MME: variants seen among roughly 807,000 people sequenced by gnomAD.
The protein encoded by MME is membrane metalloendopeptidase, also known as neprilysin.
A neutral mutation model predicts 113.2 loss-of-function variants in MME; 98 were observed. That is an observed-to-expected ratio of 0.87 (90% CI 0.74 to 1.02). The LOEUF (loss-of-function observed/expected upper bound fraction) is 1.02. MME is among the 50% of genes least tolerant of loss of function. The probability of loss-of-function intolerance (pLI) is 0.00; values close to 1 mark genes in which losing one functional copy is unlikely to be tolerated. For synonymous variants in MME, 292 were observed against 300.6 expected (o/e 0.97, Z 0.30); for missense variants, 836 against 896.0 (o/e 0.93, Z 0.86).
chr3:155,081,360 T>C (rs189134038), intron 1 of MME: 120 of 152,366 alleles, frequency 7.9e-4, no homozygotes, highest in African/African-American at 2.8e-3. Context: ...GGTATAAGAA[T>C]TGCTGCTTTA....
At chr3:155,172,736 T>C in intron 22 of MME, 124 bp downstream of exon 22, 1 of 751,654 alleles carries the variant, frequency 1.3e-6, no homozygotes, top group East Asian at 2.8e-5. Context: ...TTTTTTTTTT[T>C]TGAGAGTCAA....
intron 3 of MME, among the ~76,000 whole-genome samples, chr3:155,102,961 T>C (rs1334899045): frequency 6.6e-6 from 1 of 152,170 alleles, no homozygotes; most frequent in African/African-American, 2.4e-5. Flanking sequence ...GTCAAAAACG[T>C]CACCTACTTT....
chr3:155,143,638 C>T, intron 13 of MME, 67 bp downstream of exon 13: 1 of 1,553,864 alleles, frequency 6.4e-7, no homozygotes, highest in Non-Finnish European at 8.8e-7. Context: ...CACTGATGAG[C>T]AATTACAGTT....
At chr3:155,124,934 T>C (rs1185620317) in intron 8 of MME, among the ~76,000 whole-genome samples, 2 of 152,252 alleles carry the variant, frequency 1.3e-5, no homozygotes, top group African/African-American at 2.4e-5. Flanking sequence ...CCTTGAGCTG[T>C]GGTGGACTCC....
intron 15 of MME, among the ~76,000 whole-genome samples, chr3:155,147,441 A>G (rs1396394706): frequency 6.6e-6 from 1 of 152,154 alleles, no homozygotes; most frequent in Non-Finnish European, 1.5e-5. Context: ...TGGTTTCCAT[A>G]TATTCCATTT....
At chr3:155,025,365 C>T (rs1376494684) in intron 1 of MME, among the ~76,000 whole-genome samples, 1 of 152,058 alleles carries the variant, frequency 6.6e-6, no homozygotes, top group Non-Finnish European at 1.5e-5. Flanking sequence ...AAAGTAGAGA[C>T]AAAGTATGGA....
chr3:155,114,429 C>T (rs1343826680), intron 3 of MME, among the ~76,000 whole-genome samples: 1 of 152,144 alleles, frequency 6.6e-6, no homozygotes, highest in Non-Finnish European at 1.5e-5. Flanking sequence ...TAATGACAGA[C>T]TCTATATAAA....
intron 17 of MME, among the ~76,000 whole-genome samples, chr3:155,163,052 T>C (rs1344094122): frequency 7.9e-5 from 12 of 150,950 alleles, no homozygotes; most frequent in Non-Finnish European, 3.0e-5. Context: ...GAAATGTGTA[T>C]GTGTATATAA....
At chr3:155,142,724 G>A (rs185209461) in intron 12 of MME, among the ~76,000 whole-genome samples, 1 of 152,172 alleles carries the variant, frequency 6.6e-6, no homozygotes, top group Admixed American at 6.5e-5. Context: ...ATTGATGTGG[G>A]CAGTCTATTG....
At chr3:155,078,278 T>A (rs1021098599), upstream of MME, among the ~76,000 whole-genome samples, 12 of 152,086 alleles carry the variant, frequency 7.9e-5, no homozygotes, top group African/African-American at 2.9e-4. Context: ...CCCGCATGCT[T>A]ATTTGTGGGA....
At chr3:155,027,959 T>C (rs113876241) in intron 1 of MME, among the ~76,000 whole-genome samples, 4,061 of 152,306 alleles carry the variant, frequency 0.027, 82 homozygotes, top group South Asian at 0.089. Flanking sequence ...AGATGTACTT[T>C]TTTGCCTTGT....
intron 8 of MME, among the ~76,000 whole-genome samples, chr3:155,132,688 T>G (rs1246487198): frequency 1.3e-5 from 2 of 152,088 alleles, no homozygotes; most frequent in African/African-American, 4.8e-5. Flanking sequence ...AATTGCTCTC[T>G]CAGTCACACA....
At chr3:155,124,325 T>A (rs1576614644) in intron 8 of MME, among the ~76,000 whole-genome samples, 1 of 152,062 alleles carries the variant, frequency 6.6e-6, no homozygotes, top group East Asian at 1.9e-4. Context: ...TTCTTCTAAA[T>A]TTTTTTGAAA....
At chr3:155,154,657 C>T (rs1347039620) in intron 16 of MME, among the ~76,000 whole-genome samples, 3 of 152,206 alleles carry the variant, frequency 2.0e-5, no homozygotes, top group Non-Finnish European at 4.4e-5. Flanking sequence ...AATATCCCTT[C>T]TGATTTTTCC....
chr3:155,109,780 C>T (rs1718030672), intron 3 of MME, among the ~76,000 whole-genome samples: 2 of 152,182 alleles, frequency 1.3e-5, no homozygotes, highest in Admixed American at 1.3e-4. Flanking sequence ...TCAGATGATT[C>T]ACATGTTTAG....
At chr3:155,121,586 G>A (rs1194664552) in intron 8 of MME, among the ~76,000 whole-genome samples, 10 of 110,148 alleles carry the variant, frequency 9.1e-5, no homozygotes, top group African/African-American at 2.5e-4. Flanking sequence ...TTTGAAATAC[G>A]TCCCATCAAT....
intron 1 of MME, among the ~76,000 whole-genome samples, chr3:155,058,865 C>G (rs1314523172): frequency 6.6e-6 from 1 of 152,170 alleles, no homozygotes; most frequent in Non-Finnish European, 1.5e-5. Flanking sequence ...TCAAAGTATT[C>G]TCTCACACAA....
intron 7 of MME, among the ~76,000 whole-genome samples, chr3:155,118,029 G>A (rs1718773341): frequency 6.6e-6 from 1 of 152,040 alleles, no homozygotes; most frequent in Non-Finnish European, 1.5e-5. Flanking sequence ...CTCCCACTTG[G>A]GTATTAAACA....
At chr3:155,073,702 T>C (rs982813302) in intron 1 of MME, among the ~76,000 whole-genome samples, 14 of 152,156 alleles carry the variant, frequency 9.2e-5, no homozygotes, top group Non-Finnish European at 8.8e-5. Context: ...TTAAGGATGA[T>C]TTAAGTCTCT....
Sources: allele counts gnomAD v4.1 joint callset (sites outside exome capture counted in the v4.1 genomes callset), GRCh38; gene constraint gnomAD v4.1.1; transcripts MANE v1.5; gene names NCBI Gene and HGNC (gene_info 2026-07-23, HGNC 2026-07-21).